ZNF892: variants seen among roughly 807,000 people sequenced by gnomAD.
ZNF892 encodes zinc finger protein 892, also known as zinc finger protein 570-like.
At chr2:95,259,224 G>A in the ZNF892 span, 1 of 152,570 alleles carries the variant, frequency 6.6e-6, no homozygotes, top group Admixed American at 6.5e-5. Flanking sequence ...TTTTCAAGTT[G>A]CCTTAGCTTG....
At chr2:95,244,693 A>G in the ZNF892 span, among the ~76,000 whole-genome samples, 1 of 152,224 alleles carries the variant, frequency 6.6e-6, no homozygotes, top group East Asian at 1.9e-4. Flanking sequence ...AGTGGACTTG[A>G]TAGATATCTA....
chr2:95,215,442 GA>G, the ZNF892 span: 2 of 442,114 alleles, frequency 4.5e-6, no homozygotes, highest in South Asian at 8.5e-5. Context: ...TCACACTGGA[GA>G]AAAGCCCTAC....
At chr2:95,246,654 A>G in the ZNF892 span, among the ~76,000 whole-genome samples, 3 of 152,246 alleles carry the variant, frequency 2.0e-5, no homozygotes, top group Admixed American at 2.0e-4. Flanking sequence ...AAGCAACTTC[A>G]GCAAAGTCTC....
chr2:95,247,902 G>A, the ZNF892 span, among the ~76,000 whole-genome samples: 1 of 152,186 alleles, frequency 6.6e-6, no homozygotes, highest in African/African-American at 2.4e-5. Context: ...ATGTAAATTA[G>A]TTCAGCCATT....
At chr2:95,261,405 CT>C in the ZNF892 span, among the ~76,000 whole-genome samples, 1 of 152,118 alleles carries the variant, frequency 6.6e-6, no homozygotes, top group Non-Finnish European at 1.5e-5. Context: ...AGTGATTCTC[CT>C]GCCTCAGCCT....
chr2:95,246,010 A>T, the ZNF892 span, among the ~76,000 whole-genome samples: 1 of 152,236 alleles, frequency 6.6e-6, no homozygotes, highest in Non-Finnish European at 1.5e-5. Flanking sequence ...TCCCTAACTC[A>T]TTCTATGAGG....
At chr2:95,207,795 G>A in the ZNF892 span, 4 of 398,552 alleles carry the variant, frequency 1.0e-5, no homozygotes, top group African/African-American at 8.2e-5. Flanking sequence ...CCTCCAGCGC[G>A]GGCCGGAGGA....
the ZNF892 span, among the ~76,000 whole-genome samples, chr2:95,249,229 A>ATTTTT: frequency 2.8e-4 from 20 of 70,628 alleles, no homozygotes; most frequent in Non-Finnish European, 4.0e-4. Flanking sequence ...ATATATATAT[A>ATTTTT]TATTTTTTTT....
the ZNF892 span, among the ~76,000 whole-genome samples, chr2:95,253,117 T>G: frequency 6.6e-6 from 1 of 152,242 alleles, no homozygotes; most frequent in African/African-American, 2.4e-5. Flanking sequence ...AACTTTGGCT[T>G]TTGTTGCCAT....
At chr2:95,240,983 G>A in the ZNF892 span, among the ~76,000 whole-genome samples, 2 of 152,212 alleles carry the variant, frequency 1.3e-5, no homozygotes, top group Non-Finnish European at 2.9e-5. Context: ...AGGGTTATAC[G>A]AACAGAGCTC....
At chr2:95,224,198 C>G in the ZNF892 span, among the ~76,000 whole-genome samples, 2 of 152,200 alleles carry the variant, frequency 1.3e-5, no homozygotes, top group African/African-American at 4.8e-5. Context: ...CTGGAACAGA[C>G]TAAGGTAACT....
chr2:95,216,502 T>C, the ZNF892 span, among the ~76,000 whole-genome samples: 1 of 152,326 alleles, frequency 6.6e-6, no homozygotes, highest in Non-Finnish European at 1.5e-5. Context: ...TTATAGCTTA[T>C]AGTAAAGTTT....
the ZNF892 span, among the ~76,000 whole-genome samples, chr2:95,247,362 A>G: frequency 2.0e-5 from 3 of 152,230 alleles, no homozygotes; most frequent in African/African-American, 7.2e-5. Flanking sequence ...TTAACTCAAG[A>G]TGGATTAAAG....
the ZNF892 span, among the ~76,000 whole-genome samples, chr2:95,217,634 G>A: frequency 6.6e-6 from 1 of 152,218 alleles, no homozygotes; most frequent in African/African-American, 2.4e-5. Flanking sequence ...GGAGAAATAG[G>A]AAAGTAGGAG....
chr2:95,211,845 A>G, the ZNF892 span: 1 of 397,202 alleles, frequency 2.5e-6, no homozygotes, highest in Non-Finnish European at 4.4e-6. Flanking sequence ...TGAGACAGGC[A>G]ATTTCTGCCT....
At chr2:95,244,473 C>A in the ZNF892 span, among the ~76,000 whole-genome samples, 1 of 151,928 alleles carries the variant, frequency 6.6e-6, no homozygotes, top group Non-Finnish European at 1.5e-5. Flanking sequence ...AATGGTAACG[C>A]ATTCAATTAA....
chr2:95,224,201 A>T, the ZNF892 span, among the ~76,000 whole-genome samples: 4 of 152,232 alleles, frequency 2.6e-5, no homozygotes, highest in Non-Finnish European at 4.4e-5. Flanking sequence ...GAACAGACTA[A>T]GGTAACTCCT....
the ZNF892 span, among the ~76,000 whole-genome samples, chr2:95,254,491 T>G: frequency 1.3e-5 from 2 of 152,246 alleles, no homozygotes; most frequent in Non-Finnish European, 2.9e-5. Flanking sequence ...GCCAGTATTT[T>G]ATTGAGGATT....
the ZNF892 span, among the ~76,000 whole-genome samples, chr2:95,252,955 T>G: frequency 3.9e-5 from 6 of 152,212 alleles, no homozygotes; most frequent in African/African-American, 1.4e-4. Flanking sequence ...CTTGTAAATT[T>G]GTTTGAGTTC....
Sources: allele counts gnomAD v4.1 joint callset (sites outside exome capture counted in the v4.1 genomes callset), GRCh38; gene constraint gnomAD v4.1.1; transcripts MANE v1.5; gene names NCBI Gene and HGNC (gene_info 2026-07-23, HGNC 2026-07-21).